The following UNC13C variants were observed in gnomAD, a reference collection of about 807,000 sequenced individuals.
The protein encoded by UNC13C is unc-13 homolog C, also known as protein unc-13 homolog C.
In UNC13C, 174 loss-of-function variants were observed where a neutral mutation model predicts 245.4. The ratio of observed to expected loss-of-function variants is 0.71; its 90% CI spans 0.63 to 0.80. UNC13C has a LOEUF of 0.80. Among genes scored for constraint, UNC13C ranks in the 30% least tolerant of loss-of-function variants. The probability of loss-of-function intolerance (pLI) is 0.00; values close to 1 mark genes in which losing one functional copy is unlikely to be tolerated. For synonymous variants in UNC13C, 992 were observed against 895.1 expected, an observed-to-expected ratio of 1.11 and a Z score of -1.93; for missense variants, 2,829 against 2,602.9, an observed-to-expected ratio of 1.09 and a Z score of -1.89.
At chr15:54,522,552 T>G (rs1291111736) in intron 24 of UNC13C, among the ~76,000 whole-genome samples, 1 of 152,148 alleles carries the variant, frequency 6.6e-6, no homozygotes, top group African/African-American at 2.4e-5. Flanking sequence ...AGACAAGTTA[T>G]ATCTATTACC....
At position 54,057,194 on chromosome 15, in the gene UNC13C, A is replaced by C. The variant is rs575219795; in HGVS notation, c.2983+41308A>C. On this transcript the variant is annotated intron_variant, in intron 2 of 32. Coordinates refer to ENST00000260323, the MANE Select transcript of UNC13C (RefSeq NM_001080534.3). ...TTGATTAAAGAGTCAAGACCCATCGATGTGCTGTATTCAGGAAACCCATCT... is the reference window on the plus strand; with the variant it reads ...TTGATTAAAGAGTCAAGACCCATCGCTGTGCTGTATTCAGGAAACCCATCT... 1.9e-4 allele frequency among the ~76,000 whole-genome samples: 29 copies of C among 152,156 alleles called. No individual in the cohort carries two copies. In the East Asian group the frequency reaches 5.2e-3, roughly 27 times the overall value.
At chr15:54,336,938 G>A (rs969745314) in intron 16 of UNC13C, among the ~76,000 whole-genome samples, 11 of 152,036 alleles carry the variant, frequency 7.2e-5, no homozygotes, top group African/African-American at 2.7e-4. Flanking sequence ...CAATTGTATA[G>A]GTGATTTTCA....
At chr15:54,149,370 T>G (rs1360165265) in intron 4 of UNC13C, among the ~76,000 whole-genome samples, 4 of 152,208 alleles carry the variant, frequency 2.6e-5, no homozygotes, top group African/African-American at 9.6e-5. Context: ...AGGAGTTCAC[T>G]ATAGAGTTAG....
At chr15:54,215,022 T>C (rs2034998119) in intron 4 of UNC13C, among the ~76,000 whole-genome samples, 1 of 151,872 alleles carries the variant, frequency 6.6e-6, no homozygotes, top group African/African-American at 2.4e-5. Flanking sequence ...TTCTGTAGCA[T>C]GTAATAATGT....
At chr15:54,509,221 G>A (rs1288805302) in intron 23 of UNC13C, among the ~76,000 whole-genome samples, 1 of 152,034 alleles carries the variant, frequency 6.6e-6, no homozygotes. Flanking sequence ...AAACAAAAAA[G>A]ATATGACCAA....
intron 8 of UNC13C, 94 bp downstream of exon 8, chr15:54,250,538 A>G: frequency 4.1e-6 from 5 of 1,216,712 alleles, no homozygotes; most frequent in Admixed American, 2.8e-5. Flanking sequence ...CTGGTTGTCA[A>G]GAAATCCTAC....
the UNC13C span, among the ~76,000 whole-genome samples, chr15:53,868,125 A>G: frequency 6.6e-6 from 1 of 152,194 alleles, no homozygotes; most frequent in African/African-American, 2.4e-5. Flanking sequence ...ATAAGCCACC[A>G]TTCCTGGCCA....
chr15:54,592,341 G>A (rs1052852881), intron 30 of UNC13C, among the ~76,000 whole-genome samples: 2 of 152,092 alleles, frequency 1.3e-5, no homozygotes, highest in African/African-American at 2.4e-5. Context: ...TAAATCCATT[G>A]TTTCTTTGTC....
At chr15:53,847,423 C>T in the UNC13C span, among the ~76,000 whole-genome samples, 72 of 151,018 alleles carry the variant, frequency 4.8e-4, no homozygotes, top group Non-Finnish European at 7.8e-4. Flanking sequence ...ACGATGTGGT[C>T]TCCCCTCACT....
At chr15:54,581,493 C>T (rs1374941170) in intron 30 of UNC13C, among the ~76,000 whole-genome samples, 1 of 152,234 alleles carries the variant, frequency 6.6e-6, no homozygotes, top group Non-Finnish European at 1.5e-5. Context: ...TGCAGACAGC[C>T]TTCTACTTGC....
chr15:53,948,999 A>T, the UNC13C span, among the ~76,000 whole-genome samples: 1 of 152,232 alleles, frequency 6.6e-6, no homozygotes, highest in African/African-American at 2.4e-5. Context: ...TTATTGTGCT[A>T]GGCCCTGTTC....
chr15:54,426,344 T>A (rs2040759371), intron 19 of UNC13C, among the ~76,000 whole-genome samples: 1 of 146,466 alleles, frequency 6.8e-6, no homozygotes. Context: ...GTTGACAGAG[T>A]TCAGTTTCTC....
chr15:54,237,898 A>G (rs564232710), intron 7 of UNC13C, among the ~76,000 whole-genome samples: 1 of 152,146 alleles, frequency 6.6e-6, no homozygotes, highest in African/African-American at 2.4e-5. Context: ...AAACCTTCCT[A>G]TCTTTACAAA....
Position 54,627,294 on chromosome 15 carries a change from T to G in UNC13C, c.*181T>G. 1 of 575,094 alleles carries G rather than the reference T, an allele frequency of 1.7e-6. No homozygotes were observed. The highest frequency in any genetic ancestry group is 2.8e-6 in the Non-Finnish European group (1 of 355,884). 35.6% of individuals were successfully genotyped at this position (575,094 alleles called of 1,614,324 possible). On this transcript the variant is annotated 3_prime_UTR_variant, in exon 33 of 33. Coordinates refer to ENST00000260323, the MANE Select transcript of UNC13C (RefSeq NM_001080534.3). ...CCAATTCTGGTCTTTGGGAAATCAG[T>G]GTTCCATGAAGTGCCAAAATTATGA... is the stretch of plus-strand genomic sequence containing the variant.
chr15:54,293,808 T>C (rs2037362417), intron 10 of UNC13C, 87 bp from the exon 11 acceptor site: 2 of 1,167,080 alleles, frequency 1.7e-6, no homozygotes, highest in Non-Finnish European at 2.3e-6. Flanking sequence ...TATGCCTTTC[T>C]AGAATAGATA....
intron 2 of UNC13C, among the ~76,000 whole-genome samples, chr15:54,062,760 T>G (rs994435414): frequency 1.9e-4 from 29 of 152,194 alleles, no homozygotes; most frequent in African/African-American, 6.8e-4. Flanking sequence ...CAGGAATCTG[T>G]TGTTCAATAA....
intron 17 of UNC13C, among the ~76,000 whole-genome samples, chr15:54,382,723 T>C (rs1363881105): frequency 6.6e-6 from 1 of 151,868 alleles, no homozygotes; most frequent in Non-Finnish European, 1.5e-5. Flanking sequence ...AGAGCAGAAC[T>C]AAACAAAATA....
intron 24 of UNC13C, among the ~76,000 whole-genome samples, chr15:54,520,423 G>T (rs1307582176): frequency 6.6e-6 from 1 of 152,162 alleles, no homozygotes; most frequent in Non-Finnish European, 1.5e-5. Flanking sequence ...AGCCATCAAA[G>T]TGGAAGTTTA....
intron 2 of UNC13C, 26 bp from the exon 3 acceptor site, chr15:54,142,992 C>G (rs201849894): frequency 1.9e-5 from 30 of 1,607,470 alleles, no homozygotes; most frequent in Non-Finnish European, 2.0e-5. Flanking sequence ...TAACATTTAT[C>G]CCTTCTTTTC....
Sources: gnomAD v4.1 joint callset for allele counts (sites outside exome capture counted in the v4.1 genomes callset) on GRCh38, gnomAD v4.1.1 for gene constraint, MANE v1.5 for transcripts, NCBI Gene and HGNC (gene_info 2026-07-23, HGNC 2026-07-21) for gene names.